NCAM2: variants seen among roughly 807,000 people sequenced by gnomAD.
NCAM2 encodes the protein N-CAM-2.
Under a neutral mutation model 98.1 loss-of-function variants are expected in NCAM2, and 30 were observed. The observed-to-expected ratio is 0.31, with a 90% CI of 0.23 to 0.41. The LOEUF (loss-of-function observed/expected upper bound fraction) is 0.41, where lower values mean the gene tolerates loss of function less well. NCAM2 is among the 10% of genes least tolerant of loss of function. The pLI is 1.00. For synonymous variants in NCAM2, 368 were observed against 342.4 expected (o/e 1.07, Z -0.83); for missense variants, 867 against 1,005.8 (o/e 0.86, Z 1.87).
chr21:21,226,044 A>G (rs530056029), intron 1 of NCAM2, among the ~76,000 whole-genome samples: 18 of 152,186 alleles, frequency 1.2e-4, no homozygotes, highest in African/African-American at 4.3e-4. Flanking sequence ...TCGTAAGCAA[A>G]TTAACGCAGA....
chr21:21,364,084 CTATT>C (rs1189081322), intron 8 of NCAM2, among the ~76,000 whole-genome samples: 5 of 151,992 alleles, frequency 3.3e-5, no homozygotes, highest in Non-Finnish European at 7.4e-5. Flanking sequence ...TGGAGTTCAT[CTATT>C]TGTTTTCCAC....
chr21:21,378,004 T>C (rs1444232065), intron 9 of NCAM2, among the ~76,000 whole-genome samples: 1 of 151,998 alleles, frequency 6.6e-6, no homozygotes, highest in Non-Finnish European at 1.5e-5. Flanking sequence ...GTTGTGCAAA[T>C]GACAAGATTT....
chr21:21,067,885 G>A (rs1221213196), intron 1 of NCAM2, among the ~76,000 whole-genome samples: 1 of 152,082 alleles, frequency 6.6e-6, no homozygotes, highest in Non-Finnish European at 1.5e-5. Context: ...GGTTATAATA[G>A]AGATGGATGA....
chr21:21,065,276 C>T (rs988652771), intron 1 of NCAM2, among the ~76,000 whole-genome samples: 1 of 152,204 alleles, frequency 6.6e-6, no homozygotes, highest in Non-Finnish European at 1.5e-5. Flanking sequence ...GCCAATAATA[C>T]TTCCTTTCCT....
intron 1 of NCAM2, among the ~76,000 whole-genome samples, chr21:21,119,909 C>T (rs762642869): frequency 6.6e-6 from 1 of 152,142 alleles, no homozygotes; most frequent in African/African-American, 2.4e-5. Context: ...TGTTTGTGTT[C>T]AAGCATAACC....
At chr21:21,242,021 ATCAT>A (rs1185942823) in intron 1 of NCAM2, among the ~76,000 whole-genome samples, 5 of 152,164 alleles carry the variant, frequency 3.3e-5, no homozygotes, top group South Asian at 2.1e-4. Context: ...TGGAAAGTAA[ATCAT>A]TCATTCAGTC....
intron 8 of NCAM2, among the ~76,000 whole-genome samples, chr21:21,370,503 A>G (rs2075891425): frequency 6.6e-6 from 1 of 151,896 alleles, no homozygotes; most frequent in African/African-American, 2.4e-5. Flanking sequence ...AAAAATCACT[A>G]ATGAAATAAA....
rs561148164 is a variant in NCAM2, at chr21:21,504,880, A to T, written c.2078-3971A>T. ...TACAGGCATACAATGTGTAATAATC[A>T]AATTAGGGAAAATGGTGTATCCATC... On this transcript the variant is annotated intron_variant, in intron 15 of 17. Coordinates refer to ENST00000400546, the MANE Select transcript of NCAM2 (RefSeq NM_004540.5). 3.4e-4 allele frequency among the ~76,000 whole-genome samples: 52 copies of T among 151,964 alleles called. 1 individual carries two copies. The East Asian group carries it at 7.9e-3, about 23-fold the overall frequency.
At chr21:21,092,216 C>T (rs1192925877) in intron 1 of NCAM2, among the ~76,000 whole-genome samples, 1 of 152,030 alleles carries the variant, frequency 6.6e-6, no homozygotes, top group African/African-American at 2.4e-5. Context: ...ATACTCTCCT[C>T]AGCTTTGTTA....
At chr21:21,075,946 G>A (rs113074641) in intron 1 of NCAM2, among the ~76,000 whole-genome samples, 1 of 151,678 alleles carries the variant, frequency 6.6e-6, no homozygotes, top group African/African-American at 2.4e-5. Context: ...GTGAAACCCC[G>A]TCTCGACTAA....
At chr21:21,155,704 A>C (rs1038172488) in intron 1 of NCAM2, among the ~76,000 whole-genome samples, 2 of 151,994 alleles carry the variant, frequency 1.3e-5, no homozygotes, top group African/African-American at 2.4e-5. Flanking sequence ...GCGTATACAC[A>C]AGAGTTTCAG....
At chr21:21,301,047 G>A (rs1413690574) in intron 5 of NCAM2, among the ~76,000 whole-genome samples, 1 of 151,928 alleles carries the variant, frequency 6.6e-6, no homozygotes, top group Non-Finnish European at 1.5e-5. Flanking sequence ...AGAAGTATTT[G>A]TTCGTGTCCT....
intron 1 of NCAM2, among the ~76,000 whole-genome samples, chr21:21,164,116 A>G (rs997645310): frequency 2.0e-5 from 3 of 152,196 alleles, no homozygotes; most frequent in South Asian, 2.1e-4. Flanking sequence ...ACTAAATTCA[A>G]TTAAAACTAG....
At chr21:21,088,025 G>A (rs2065938093) in intron 1 of NCAM2, among the ~76,000 whole-genome samples, 1 of 152,090 alleles carries the variant, frequency 6.6e-6, no homozygotes, top group Non-Finnish European at 1.5e-5. Context: ...ATTTTCTCAT[G>A]TGTTTTATAT....
rs1258014246 is a variant in NCAM2 at position 21,543,120 on chromosome 21, T to G, written c.*5163T>G. Reference sequence around the variant, plus strand: ...TTATATATTCCATTCAAATTCTATATTCTTAAGTTAGCTACCACAACGTTT... The same window carrying G: ...TTATATATTCCATTCAAATTCTATAGTCTTAAGTTAGCTACCACAACGTTT... On this transcript the variant is annotated 3_prime_UTR_variant, in exon 18 of 18. Coordinates refer to ENST00000400546, the MANE Select transcript of NCAM2 (RefSeq NM_004540.5). 6.6e-6 allele frequency: 1 copy of G among 151,928 alleles called. No individual in the cohort carries two copies. Among genetic ancestry groups the G allele is most frequent in the Non-Finnish European group, 1.5e-5 (1 of 67,876 alleles). The allele number at this position is 151,928 out of a possible 1,614,324, so 9.4% of individuals were successfully genotyped here. A position where few individuals can be genotyped will look rare whatever the true frequency, so the allele number is the denominator to read the frequency against.
chr21:21,425,688 A>G (rs899795190), intron 11 of NCAM2, among the ~76,000 whole-genome samples: 3 of 152,174 alleles, frequency 2.0e-5, no homozygotes, highest in African/African-American at 4.8e-5. Flanking sequence ...TAGTGTATCT[A>G]TTTTGAAGGA....
intron 11 of NCAM2, among the ~76,000 whole-genome samples, chr21:21,426,218 G>A (rs913867137): frequency 4.6e-5 from 7 of 151,974 alleles, no homozygotes; most frequent in Admixed American, 2.0e-4. Flanking sequence ...CAGCATGATC[G>A]AAACAAGAAA....
chr21:21,024,564 T>C (rs2146198266), intron 1 of NCAM2, among the ~76,000 whole-genome samples: 1 of 152,104 alleles, frequency 6.6e-6, no homozygotes, highest in African/African-American at 2.4e-5. Flanking sequence ...CCAACTTAAG[T>C]AGAAAAAAAC....
At chr21:21,284,756 A>G (rs1025828768) in intron 3 of NCAM2, among the ~76,000 whole-genome samples, 1 of 151,758 alleles carries the variant, frequency 6.6e-6, no homozygotes, top group Non-Finnish European at 1.5e-5. Flanking sequence ...AGAATAAATG[A>G]AAATGTGTGA....
Sources: allele counts gnomAD v4.1 joint callset (sites outside exome capture counted in the v4.1 genomes callset), GRCh38; gene constraint gnomAD v4.1.1; transcripts MANE v1.5; gene names NCBI Gene and HGNC (gene_info 2026-07-23, HGNC 2026-07-21).